ANO2: variants seen among roughly 807,000 people sequenced by gnomAD.
The protein encoded by ANO2 is anoctamin-2.
ANO2 carries 101 observed loss-of-function variants against 124.2 expected under a neutral mutation model. That is an observed-to-expected ratio of 0.81 (90% CI 0.69 to 0.96). The LOEUF is 0.96. Ranked by LOEUF, ANO2 falls within the 40% of genes least tolerant of loss-of-function variation. ANO2 has a pLI of 0.00. For missense variants in ANO2, 1,293 were observed against 1,274.5 expected (o/e 1.01, Z -0.22); for synonymous variants, 486 against 482.5 (o/e 1.01, Z -0.09).
rs750308324 is a variant in ANO2, at chr12:5,632,083, A to T, written c.1816+3069T>A. 1.4e-4 allele frequency among the ~76,000 whole-genome samples: 22 copies of T among 152,188 alleles called. No individual in the cohort carries two copies. In the Middle Eastern group the frequency reaches 0.024, roughly 165 times the overall value. ...GGATCAGGAAATCTTTGTCCAAAAA[A>T]CTTCCCCGATACCCACTGCCACACA... On this transcript the variant is annotated intron_variant, in intron 16 of 24. Coordinates refer to ENST00000682330, the MANE Select transcript of ANO2 (RefSeq NM_001364791.2).
At position 5,923,205 on chromosome 12, in the gene ANO2, C is replaced by G. The variant is rs1474410861; in HGVS notation, c.23-401G>C. 3.3e-5 allele frequency among the ~76,000 whole-genome samples: 5 copies of G among 149,318 alleles called. 1 individual carries two copies. Among genetic ancestry groups the G allele is most frequent in the Non-Finnish European group, 7.5e-5 (5 of 66,906 alleles). ...ACACATACACACACACGCACGCACA[C>G]ACACCCACATACACACACACATGCA... On this transcript the variant is annotated intron_variant, in intron 1 of 24. Coordinates refer to ENST00000682330, the MANE Select transcript of ANO2 (RefSeq NM_001364791.2).
chr12:5,663,585 C>T (rs1467999159), intron 14 of ANO2, among the ~76,000 whole-genome samples: 1 of 152,146 alleles, frequency 6.6e-6, no homozygotes, highest in East Asian at 1.9e-4. Flanking sequence ...AAGGGAACAC[C>T]TGAGACCCAG....
At chr12:5,565,083 G>C (rs1941670275) in intron 24 of ANO2, among the ~76,000 whole-genome samples, 1 of 152,126 alleles carries the variant, frequency 6.6e-6, no homozygotes, top group Non-Finnish European at 1.5e-5. Context: ...TGGCTCGATG[G>C]CTCTGGGGGC....
chr12:5,609,337 T>A lies in ANO2; in HGVS notation c.2087+3319A>T, dbSNP rs147151887. ...GAGTGAGGCAACCAGACACCAATGA[T>A]CCCGCCAATCCTCCCCAAAGAAAAT... On this transcript the variant is annotated intron_variant, in intron 19 of 24. Transcript: ENST00000682330. Among the ~76,000 whole-genome samples, 530 of 152,018 alleles carry A rather than the reference T, an allele frequency of 3.5e-3. 1 individual carries two copies. The highest frequency in any genetic ancestry group is 0.017 in the Middle Eastern group (5 of 294).
intron 14 of ANO2, among the ~76,000 whole-genome samples, chr12:5,688,743 G>A (rs760159966): frequency 5.3e-5 from 8 of 151,544 alleles, no homozygotes; most frequent in Non-Finnish European, 7.4e-5. Context: ...AGTCTAGGGT[G>A]CCTCTAACTC....
intron 3 of ANO2, among the ~76,000 whole-genome samples, chr12:5,893,244 C>G (rs1475605898): frequency 1.3e-5 from 2 of 151,994 alleles, no homozygotes; most frequent in Admixed American, 1.3e-4. Flanking sequence ...ATAAATGGGA[C>G]CTAATTAAGT....
chr12:5,575,938 C>A lies in ANO2; in HGVS notation c.2517G>T (p.Leu839=). The stretch of plus-strand genomic sequence containing the variant: ...AGAGGGTGTGGTTGACAAAGCCGTG[C>A]AGAGTCCCATTGTGACTGTAGGAGT... ...YQYSYSHNGT[L]HGFVNHTLSF... The change falls in exon 23 of 25, where the codon CTG becomes CTT. Residue 839 remains leucine, a synonymous_variant. Transcript: ENST00000682330. 6.2e-7 allele frequency: 1 copy of A among 1,613,440 alleles called. No individual in the cohort carries two copies. Among genetic ancestry groups the A allele is most frequent in the Non-Finnish European group, 8.5e-7 (1 of 1,179,680 alleles).
At chr12:5,811,376 T>C (rs911969697) in intron 7 of ANO2, among the ~76,000 whole-genome samples, 3 of 152,230 alleles carry the variant, frequency 2.0e-5, no homozygotes, top group Admixed American at 2.0e-4. Flanking sequence ...CCCAAGCCTT[T>C]TCTTCTAAGA....
chr12:5,752,253 A>T (rs1325284893), intron 10 of ANO2, among the ~76,000 whole-genome samples: 1 of 152,222 alleles, frequency 6.6e-6, no homozygotes, highest in African/African-American at 2.4e-5. Flanking sequence ...AGACTGTTGA[A>T]TCAAATGGTA....
At chr12:5,775,252 A>G (rs1311995430) in intron 10 of ANO2, among the ~76,000 whole-genome samples, 1 of 152,150 alleles carries the variant, frequency 6.6e-6, no homozygotes. Flanking sequence ...AACGGATAAG[A>G]GAATAGAAAT....
In ANO2 at chr12:5,575,950, G is replaced by A. The variant is rs756872662; in HGVS notation, c.2505C>T (p.His835=). 2 of 1,613,314 alleles carry A rather than the reference G, an allele frequency of 1.2e-6. No individual in the cohort carries two copies. Among genetic ancestry groups the A allele is most frequent in the Non-Finnish European group, 1.7e-6 (2 of 1,179,668 alleles). The change falls in exon 23 of 25, where the codon CAC becomes CAT. Residue 835 remains histidine (H), a synonymous_variant. Transcript: ENST00000682330. ...TGACAAAGCCGTGCAGAGTCCCATT[G>A]TGACTGTAGGAGTACTGGTACACCA... The part of the protein sequence containing the change: ...PRLVYQYSYS[H]NGTLHGFVNH...
chr12:5,593,065 C>T (rs1173611957), intron 20 of ANO2, among the ~76,000 whole-genome samples: 1 of 152,152 alleles, frequency 6.6e-6, no homozygotes, highest in Non-Finnish European at 1.5e-5. Context: ...AATTATCTGG[C>T]TTTTACTCCA....
At chr12:5,725,280 A>C (rs1430577811) in intron 14 of ANO2, among the ~76,000 whole-genome samples, 1 of 152,108 alleles carries the variant, frequency 6.6e-6, no homozygotes, top group African/African-American at 2.4e-5. Context: ...CCATTGGTGT[A>C]TTTATTCATT....
At chr12:5,877,700 T>C (rs1365391115) in intron 3 of ANO2, among the ~76,000 whole-genome samples, 2 of 152,216 alleles carry the variant, frequency 1.3e-5, no homozygotes, top group African/African-American at 4.8e-5. Context: ...CAGGGACTAG[T>C]TTCTTGGAAG....
intron 22 of ANO2, among the ~76,000 whole-genome samples, chr12:5,576,315 A>C (rs978269143): frequency 6.6e-6 from 1 of 152,244 alleles, no homozygotes; most frequent in Non-Finnish European, 1.5e-5. Flanking sequence ...TGAGATATCT[A>C]ACATTGCTGT....
intron 14 of ANO2, among the ~76,000 whole-genome samples, chr12:5,725,733 C>G (rs1950411752): frequency 1.3e-5 from 2 of 152,024 alleles, no homozygotes; most frequent in Admixed American, 1.3e-4. Context: ...CCTTGCAGCC[C>G]TAAGGTGGTG....
intron 14 of ANO2, among the ~76,000 whole-genome samples, chr12:5,678,239 TTGGAA>T (rs1948340429): frequency 6.6e-6 from 1 of 152,152 alleles, no homozygotes; most frequent in South Asian, 2.1e-4. Context: ...AAGACTTAGT[TTGGAA>T]CATGGGCTGC....
At chr12:5,812,976 GGA>G (rs1491536374) in intron 7 of ANO2, among the ~76,000 whole-genome samples, 2 of 114,346 alleles carry the variant, frequency 1.7e-5, no homozygotes, top group East Asian at 2.7e-4. Context: ...GAGGGAGGAA[GGA>G]AGGAAGGGTA....
At chr12:5,940,622 A>T (rs1436659071) in intron 1 of ANO2, among the ~76,000 whole-genome samples, 1 of 152,216 alleles carries the variant, frequency 6.6e-6, no homozygotes, top group East Asian at 1.9e-4. Context: ...GAATAATAAC[A>T]ACTGCTGGTG....
Sources: gnomAD v4.1 joint callset for allele counts (sites outside exome capture counted in the v4.1 genomes callset) on GRCh38, gnomAD v4.1.1 for gene constraint, MANE v1.5 for transcripts, NCBI Gene and HGNC (gene_info 2026-07-23, HGNC 2026-07-21) for gene names.